LIMK2: variants seen among roughly 807,000 people sequenced by gnomAD.
The protein encoded by LIMK2 is LIM domain kinase 2.
In LIMK2, 35 loss-of-function variants were observed where a neutral mutation model predicts 75.7. The observed-to-expected ratio is 0.46, with a 90% CI of 0.35 to 0.61. The LOEUF (loss-of-function observed/expected upper bound fraction) is 0.61, where lower values mean the gene tolerates loss of function less well. Among genes scored for constraint, LIMK2 ranks in the 20% least tolerant of loss-of-function variants. The pLI, the probability that LIMK2 is intolerant of heterozygous loss-of-function variation, is 0.00. For synonymous variants in LIMK2, 301 were observed against 319.2 expected (o/e 0.94, Z 0.61); for missense variants, 623 against 831.0 (o/e 0.75, Z 3.08).
intron 1 of LIMK2, chr22:31,222,691 A>G (rs2048445911): frequency 6.6e-6 from 1 of 152,124 alleles, no homozygotes; most frequent in Non-Finnish European, 1.5e-5. Flanking sequence ...TGGTAGCTAG[A>G]GGAGAAAAGG....
chr22:31,256,426 C>T (rs1241911254), intron 2 of LIMK2, among the ~76,000 whole-genome samples: 1 of 151,364 alleles, frequency 6.6e-6, no homozygotes, highest in African/African-American at 2.4e-5. Context: ...CTGCAACCTC[C>T]ACCTCCTGGG....
intron 2 of LIMK2, among the ~76,000 whole-genome samples, chr22:31,246,322 C>T (rs1214360185): frequency 6.6e-6 from 1 of 150,464 alleles, no homozygotes; most frequent in Non-Finnish European, 1.5e-5. Context: ...CATGTTTATA[C>T]CACTGCACTT....
In LIMK2 at chr22:31,257,040, A is replaced by ATTTTTTTTTTTTTTTTT. The variant is rs529919320; in HGVS notation, c.117-1233_117-1217dup. Among the ~76,000 whole-genome samples, 17 of 75,078 alleles carry ATTTTTTTTTTTTTTTTT rather than the reference A, an allele frequency of 2.3e-4. 2 individuals are homozygous for ATTTTTTTTTTTTTTTTT. Among genetic ancestry groups the ATTTTTTTTTTTTTTTTT allele is most frequent in the East Asian group, 8.2e-4 (1 of 1,218 alleles). 49.3% of individuals were successfully genotyped at this position (75,078 alleles called of 152,430 possible). A position where few individuals can be genotyped will look rare whatever the true frequency, so the allele number is the denominator to read the frequency against. The stretch of plus-strand genomic sequence containing the variant: ...TCATTAGGGGAGAAGGGAGCTATAG[A>ATTTTTTTTTTTTTTTTT]TTTTTTTTTTTTTTTTTTTTTTTTT... On this transcript the variant is annotated intron_variant, in intron 2 of 15. Transcript: ENST00000331728.
At chr22:31,255,279 T>A (rs899754751) in intron 2 of LIMK2, among the ~76,000 whole-genome samples, 4 of 152,156 alleles carry the variant, frequency 2.6e-5, no homozygotes, top group African/African-American at 9.7e-5. Flanking sequence ...TCATCCCACA[T>A]GTATCTTATA....
In LIMK2 at chr22:31,277,432, AAT is replaced by A. The variant is rs1435640636; in HGVS notation, c.1773-864_1773-863del. 6.1e-4 allele frequency: 705 copies of A among 1,161,246 alleles called. 3 individuals are homozygous for A. The African/African-American group carries it at 0.011, about 18-fold the overall frequency. 71.9% of individuals were successfully genotyped at this position (1,161,246 alleles called of 1,614,324 possible). ...GGTGCAGCTCAAAAAAAAAAAAAAA[AAT>A]GATTTCCAGCGGTCCACATTAGAGT... On this transcript the variant is annotated intron_variant, in intron 15 of 15. Coordinates refer to ENST00000331728, the MANE Select transcript of LIMK2 (RefSeq NM_005569.4).
chr22:31,223,093 A>G (rs1332063316), intron 1 of LIMK2, among the ~76,000 whole-genome samples: 2 of 152,168 alleles, frequency 1.3e-5, no homozygotes, highest in Non-Finnish European at 2.9e-5. Flanking sequence ...TACAGCAGAT[A>G]GGGAAAAGAA....
At chr22:31,276,676 C>T (rs1297645176) in intron 15 of LIMK2, 16 of 1,082,758 alleles carry the variant, frequency 1.5e-5, no homozygotes, top group African/African-American at 6.8e-5. Flanking sequence ...GCGCACGTGG[C>T]CCCGGAGGCC....
intron 2 of LIMK2, among the ~76,000 whole-genome samples, chr22:31,236,466 AGGCATGGT>A (rs1421081128): frequency 6.6e-6 from 1 of 151,742 alleles, no homozygotes; most frequent in Non-Finnish European, 1.5e-5. Flanking sequence ...AAATTTAGCC[AGGCATGGT>A]GGCTCATGCC....
chr22:31,276,815 GC>G (rs2123872741), intron 15 of LIMK2: 5 of 1,611,366 alleles, frequency 3.1e-6, no homozygotes, highest in Non-Finnish European at 4.2e-6. Context: ...GCAGGAGAGG[GC>G]CCGGGCTGCG....
chr22:31,277,840 G>C (rs1048990104), intron 15 of LIMK2, among the ~76,000 whole-genome samples: 11 of 152,158 alleles, frequency 7.2e-5, no homozygotes, highest in Admixed American at 2.0e-4. Context: ...AAAGACGATT[G>C]TTCAGGGTAC....
At chr22:31,234,138 A>G (rs1165449323) in intron 2 of LIMK2, among the ~76,000 whole-genome samples, 1 of 151,670 alleles carries the variant, frequency 6.6e-6, no homozygotes, top group African/African-American at 2.4e-5. Context: ...TCAGCCTCCC[A>G]AGTAGCTGGG....
chr22:31,240,403 G>A (rs1039056863), intron 2 of LIMK2, among the ~76,000 whole-genome samples: 2 of 151,518 alleles, frequency 1.3e-5, no homozygotes, highest in Admixed American at 6.6e-5. Context: ...CACTTTCATG[G>A]AATGACGCTA....
intron 3 of LIMK2, 106 bp downstream of exon 3, chr22:31,258,532 G>T: frequency 8.7e-7 from 1 of 1,147,470 alleles, no homozygotes; most frequent in Non-Finnish European, 1.3e-6. Flanking sequence ...ATCAGCCAGG[G>T]CATCTCCCTT....
At chr22:31,221,542 T>C (rs1568981762) in intron 1 of LIMK2, among the ~76,000 whole-genome samples, 1 of 152,172 alleles carries the variant, frequency 6.6e-6, no homozygotes, top group Non-Finnish European at 1.5e-5. Flanking sequence ...TGGAATGCAG[T>C]GGAATGATCT....
intron 2 of LIMK2, chr22:31,248,297 G>T: frequency 1.7e-6 from 2 of 1,173,198 alleles, no homozygotes; most frequent in South Asian, 3.1e-5. Flanking sequence ...TCGGTTCTGC[G>T]GGAGCCCCTC....
intron 2 of LIMK2, among the ~76,000 whole-genome samples, chr22:31,253,523 C>G (rs1403607979): frequency 2.0e-5 from 3 of 152,228 alleles, no homozygotes; most frequent in African/African-American, 7.2e-5. Context: ...AAAGGAGAAG[C>G]ATCACGAAGT....
At chr22:31,261,428 C>T (rs959398598) in intron 5 of LIMK2, among the ~76,000 whole-genome samples, 1 of 152,170 alleles carries the variant, frequency 6.6e-6, no homozygotes, top group Non-Finnish European at 1.5e-5. Flanking sequence ...CGCCTGTAGT[C>T]CCAGCTACTC....
intron 2 of LIMK2, among the ~76,000 whole-genome samples, chr22:31,251,982 ATG>A (rs1009558883): frequency 6.6e-6 from 1 of 152,198 alleles, no homozygotes; most frequent in Middle Eastern, 3.2e-3. Context: ...AGGTTAAGGG[ATG>A]ACCATCCAGC....
chr22:31,224,957 G>A (rs2048466648), intron 1 of LIMK2, among the ~76,000 whole-genome samples: 1 of 152,260 alleles, frequency 6.6e-6, no homozygotes, highest in Non-Finnish European at 1.5e-5. Flanking sequence ...ATTGCTGCCT[G>A]AGCTCTGCCT....
Sources: gnomAD v4.1 joint callset for allele counts (sites outside exome capture counted in the v4.1 genomes callset) on GRCh38, gnomAD v4.1.1 for gene constraint, MANE v1.5 for transcripts, NCBI Gene and HGNC (gene_info 2026-07-23, HGNC 2026-07-21) for gene names.